CRHR1: variants seen among roughly 807,000 people sequenced by gnomAD.
CRHR1 encodes corticotropin-releasing hormone receptor 1.
In CRHR1, 28 loss-of-function variants were observed where a neutral mutation model predicts 56.0. That is an observed-to-expected ratio of 0.50 (90% CI 0.37 to 0.69). The LOEUF (loss-of-function observed/expected upper bound fraction) is 0.69, where lower values mean the gene tolerates loss of function less well. Ranked by LOEUF, CRHR1 falls within the 30% of genes least tolerant of loss-of-function variation. The pLI is 0.00. For missense variants in CRHR1, 376 were observed against 548.0 expected, an observed-to-expected ratio of 0.69 and a Z score of 3.13; for synonymous variants, 195 against 216.5, an observed-to-expected ratio of 0.90 and a Z score of 0.87.
chr17:45,786,901 A>G (rs1484023174), intron 1 of CRHR1, among the ~76,000 whole-genome samples: 1 of 152,162 alleles, frequency 6.6e-6, no homozygotes, highest in Non-Finnish European at 1.5e-5. Flanking sequence ...TCGGCCTCCC[A>G]AAGTGCTAGG....
intron 1 of CRHR1, among the ~76,000 whole-genome samples, chr17:45,789,101 G>A (rs1482886465): frequency 1.3e-5 from 2 of 152,138 alleles, no homozygotes; most frequent in African/African-American, 4.8e-5. Context: ...AAACTCCAGC[G>A]CTTTTGCCGT....
At chr17:45,789,262 A>G (rs144470543) in intron 1 of CRHR1, among the ~76,000 whole-genome samples, 40 of 152,356 alleles carry the variant, frequency 2.6e-4, no homozygotes, top group African/African-American at 9.6e-4. Context: ...ACGTAAGGCC[A>G]GGTCGAGATT....
At chr17:45,810,078 G>A (rs761353750) in intron 2 of CRHR1, among the ~76,000 whole-genome samples, 10 of 152,054 alleles carry the variant, frequency 6.6e-5, no homozygotes, top group Admixed American at 2.0e-4. Context: ...TCAGGTGTTC[G>A]AGACCAGCCT....
chr17:45,804,392 G>GT (rs779391435), intron 1 of CRHR1, among the ~76,000 whole-genome samples: 8 of 152,272 alleles, frequency 5.3e-5, no homozygotes, highest in Middle Eastern at 3.4e-3. Context: ...GACCATGTGG[G>GT]TGAGTCATGG....
intron 1 of CRHR1, among the ~76,000 whole-genome samples, chr17:45,791,848 TCTCTCACA>T (rs1300688431): frequency 1.3e-4 from 16 of 123,426 alleles, no homozygotes; most frequent in Non-Finnish European, 1.9e-4. Flanking sequence ...TCTCTCTCTC[TCTCTCACA>T]CACACACACA....
At position 45,835,046 on chromosome 17, in the gene CRHR1, G is replaced by T; in HGVS notation, c.*282G>T. The T allele has an allele frequency of 2.0e-6, 1 of 500,456 alleles. No individual in the cohort carries two copies. Among genetic ancestry groups the T allele is most frequent in the South Asian group, 3.3e-5 (1 of 30,606 alleles). The allele number at this position is 500,456 out of a possible 1,614,324, so 31.0% of individuals were successfully genotyped here. The stretch of plus-strand genomic sequence containing the variant: ...GGACATGGGAATGAATTGAAATGGG[G>T]CGCTGGACACCTACAGCAGCACGCA... On this transcript the variant is annotated 3_prime_UTR_variant, in exon 13 of 13. Transcript: ENST00000314537.
At chr17:45,785,542 C>T (rs1184786847) in intron 1 of CRHR1, among the ~76,000 whole-genome samples, 1 of 152,230 alleles carries the variant, frequency 6.6e-6, no homozygotes, top group Non-Finnish European at 1.5e-5. Flanking sequence ...TCACCCGGGG[C>T]TCGGGACTCC....
intron 4 of CRHR1, among the ~76,000 whole-genome samples, chr17:45,823,071 G>T (rs2062078293): frequency 6.6e-6 from 1 of 151,282 alleles, no homozygotes; most frequent in Non-Finnish European, 1.5e-5. Flanking sequence ...TTGAACCAGG[G>T]AGGCGGAGGT....
In CRHR1 at chr17:45,829,211, C is replaced by T. The variant is rs763548745; in HGVS notation, c.328-4C>T. Reference sequence around the variant, plus strand: ...CTCACCTCTGCCCCTCTCTCCTGCTCCAGAAAAAAAGCAAGGTGCACTACC... The same window carrying T: ...CTCACCTCTGCCCCTCTCTCCTGCTTCAGAAAAAAAGCAAGGTGCACTACC... On this transcript the variant is annotated splice_region_variant and splice_polypyrimidine_tract_variant and intron_variant, in intron 4 of 12. Coordinates refer to ENST00000314537, the MANE Select transcript of CRHR1 (RefSeq NM_004382.5). 1 of 1,612,684 alleles carries T rather than the reference C, an allele frequency of 6.2e-7. No homozygotes were observed. The highest frequency in any genetic ancestry group is 2.2e-5 in the East Asian group (1 of 44,876).
At chr17:45,801,706 T>C (rs186390420) in intron 1 of CRHR1, among the ~76,000 whole-genome samples, 3 of 152,304 alleles carry the variant, frequency 2.0e-5, no homozygotes, top group African/African-American at 2.4e-5. Context: ...ACATGAAGTC[T>C]TGAAAACTTG....
chr17:45,814,726 C>T (rs995956671), intron 2 of CRHR1, among the ~76,000 whole-genome samples: 1 of 152,206 alleles, frequency 6.6e-6, no homozygotes, highest in African/African-American at 2.4e-5. Flanking sequence ...CTCGGATGGC[C>T]CTGCTTCCTC....
intron 4 of CRHR1, chr17:45,827,965 A>G (rs2062202117): frequency 6.6e-6 from 1 of 152,206 alleles, no homozygotes; most frequent in Non-Finnish European, 1.5e-5. Flanking sequence ...CAGCACTTGC[A>G]TGTCACCCAC....
rs2062267201 is a variant in CRHR1 at position 45,830,224 on chromosome 17, G to C, written c.555+10G>C. On this transcript the variant is annotated intron_variant, in intron 6 of 12. Coordinates refer to ENST00000314537, the MANE Select transcript of CRHR1 (RefSeq NM_004382.5). ...CCACCAGAGCAACGTGGTACGTCCT[G>C]GCAGGGGAGCGGGGAGCAGGTCAGG... The C allele has an allele frequency of 6.2e-7, 1 of 1,613,852 alleles. No homozygotes were observed. Among genetic ancestry groups the C allele is most frequent in the Non-Finnish European group, 8.5e-7 (1 of 1,179,978 alleles).
intron 8 of CRHR1, among the ~76,000 whole-genome samples, chr17:45,831,940 C>T (rs1398178464): frequency 3.3e-5 from 5 of 152,156 alleles, no homozygotes; most frequent in African/African-American, 4.8e-5. Flanking sequence ...TGGTTGACTC[C>T]CTCCTGACTC....
At chr17:45,833,633 C>T in intron 10 of CRHR1, 81 bp from the exon 11 acceptor site, 1 of 1,598,420 alleles carries the variant, frequency 6.3e-7, no homozygotes, top group South Asian at 1.1e-5. Flanking sequence ...CTCCCCCGAC[C>T]TGGCCCTCTT....
intron 1 of CRHR1, among the ~76,000 whole-genome samples, chr17:45,794,592 T>C (rs1052190406): frequency 3.3e-5 from 5 of 152,072 alleles, no homozygotes; most frequent in African/African-American, 1.2e-4. Context: ...AGGAGGAAAC[T>C]CTTTGGTTTA....
At chr17:45,798,199 G>A (rs1193563508) in intron 1 of CRHR1, among the ~76,000 whole-genome samples, 37 of 152,172 alleles carry the variant, frequency 2.4e-4, no homozygotes, top group Non-Finnish European at 4.4e-5. Context: ...GTTGGGGCCT[G>A]CTCTGTATCG....
At chr17:45,785,994 T>C (rs2061329031) in intron 1 of CRHR1, among the ~76,000 whole-genome samples, 1 of 152,168 alleles carries the variant, frequency 6.6e-6, no homozygotes, top group African/African-American at 2.4e-5. Flanking sequence ...AGAGGTCGAG[T>C]AGTTGGCACT....
chr17:45,833,698 A>G lies in CRHR1; in HGVS notation c.930-16A>G. On this transcript the variant is annotated splice_polypyrimidine_tract_variant and intron_variant, in intron 10 of 12. Coordinates refer to ENST00000314537, the MANE Select transcript of CRHR1 (RefSeq NM_004382.5). The stretch of plus-strand genomic sequence containing the variant: ...GTGGGCTGTGACTCCGAGCCTCCCC[A>G]CCCGCCCCACCCCAGGAAGGCTGTG... 2 of 340,470 alleles carry G rather than the reference A, an allele frequency of 5.9e-6. No individual in the cohort carries two copies. Among genetic ancestry groups the G allele is most frequent in the Non-Finnish European group, 9.6e-6 (2 of 208,440 alleles). The allele number at this position is 340,470 out of a possible 1,614,324, so 21.1% of individuals were successfully genotyped here. A position where few individuals can be genotyped will look rare whatever the true frequency, so the allele number is the denominator to read the frequency against.
Sources: allele counts gnomAD v4.1 joint callset (sites outside exome capture counted in the v4.1 genomes callset), GRCh38; gene constraint gnomAD v4.1.1; transcripts MANE v1.5; gene names NCBI Gene and HGNC (gene_info 2026-07-23, HGNC 2026-07-21).